KIAA1328: variants seen among roughly 807,000 people sequenced by gnomAD.
The protein encoded by KIAA1328 is protein hinderin.
In KIAA1328, 52 loss-of-function variants were observed where a neutral mutation model predicts 68.1. That is an observed-to-expected ratio of 0.76 (90% CI 0.61 to 0.96). The LOEUF is 0.96. KIAA1328 is among the 40% of genes least tolerant of loss of function. The probability of loss-of-function intolerance (pLI) is 0.00; values close to 1 mark genes in which losing one functional copy is unlikely to be tolerated. For synonymous variants in KIAA1328, 232 were observed against 239.4 expected, an observed-to-expected ratio of 0.97 and a Z score of 0.28; for missense variants, 641 against 677.6, an observed-to-expected ratio of 0.95 and a Z score of 0.60.
intron 8 of KIAA1328, among the ~76,000 whole-genome samples, chr18:37,170,479 A>G (rs2059478741): frequency 6.6e-6 from 1 of 152,208 alleles, no homozygotes; most frequent in African/African-American, 2.4e-5. Context: ...GATGTTCAAT[A>G]AATATTTCCT....
At chr18:36,890,225 TC>T (rs1406209646) in intron 5 of KIAA1328, among the ~76,000 whole-genome samples, 2 of 146,290 alleles carry the variant, frequency 1.4e-5, no homozygotes, top group East Asian at 1.9e-4. Flanking sequence ...TCTTTCTTCT[TC>T]TTTTTTTTTT....
rs574615463 is a variant in KIAA1328 at position 36,980,383 on chromosome 18, C to G, written c.576+20948C>G. ...ATATACTGGTGGGGCTGGTCAGGGTCCATATGATGTTTCTCTTGATAAGGA... is the reference window on the plus strand; with the variant it reads ...ATATACTGGTGGGGCTGGTCAGGGTGCATATGATGTTTCTCTTGATAAGGA... On this transcript the variant is annotated intron_variant, in intron 6 of 9. Coordinates refer to ENST00000280020, the MANE Select transcript of KIAA1328 (RefSeq NM_020776.3). Among the ~76,000 whole-genome samples, 21 of 152,146 alleles carry G rather than the reference C, an allele frequency of 1.4e-4. 1 individual carries two copies. Among genetic ancestry groups the G allele is most frequent in the African/African-American group, 4.8e-4 (20 of 41,508 alleles).
At chr18:37,169,172 T>TTATATA (rs1568490110) in intron 8 of KIAA1328, among the ~76,000 whole-genome samples, 3 of 138,648 alleles carry the variant, frequency 2.2e-5, no homozygotes, top group African/African-American at 8.3e-5. Flanking sequence ...TTATTTATAT[T>TTATATA]TTTTTTTTTT....
chr18:36,914,935 T>G lies in KIAA1328; in HGVS notation c.448+29263T>G, dbSNP rs550866917. 1.7e-4 allele frequency among the ~76,000 whole-genome samples: 26 copies of G among 152,276 alleles called. No individual in the cohort carries two copies. The South Asian group carries it at 5.4e-3, about 32-fold the overall frequency. On this transcript the variant is annotated intron_variant, in intron 5 of 9. Coordinates refer to ENST00000280020, the MANE Select transcript of KIAA1328 (RefSeq NM_020776.3). The stretch of plus-strand genomic sequence containing the variant: ...GAAATGAACAGATTGACTACATTCA[T>G]GGAGTAGAAGATTCAACATAGTGAA...
At chr18:37,122,025 T>G (rs1439021565) in intron 7 of KIAA1328, among the ~76,000 whole-genome samples, 1 of 152,120 alleles carries the variant, frequency 6.6e-6, no homozygotes, top group Non-Finnish European at 1.5e-5. Flanking sequence ...CATGATGTTT[T>G]TAAACATTTA....
chr18:37,036,346 A>C (rs1194751370), intron 6 of KIAA1328, among the ~76,000 whole-genome samples: 1 of 152,230 alleles, frequency 6.6e-6, no homozygotes, highest in East Asian at 1.9e-4. Flanking sequence ...AGACTGGACT[A>C]AGGTTTCATT....
chr18:37,086,175 A>G (rs1361818666), intron 7 of KIAA1328, among the ~76,000 whole-genome samples: 1 of 152,214 alleles, frequency 6.6e-6, no homozygotes, highest in Admixed American at 6.5e-5. Context: ...CATGGTAACT[A>G]TGGCTATAAT....
intron 6 of KIAA1328, among the ~76,000 whole-genome samples, chr18:37,058,172 G>T (rs2055998044): frequency 6.6e-6 from 1 of 152,138 alleles, no homozygotes; most frequent in Non-Finnish European, 1.5e-5. Context: ...TGTGCAGAGA[G>T]ATGTGGTTAA....
At chr18:36,896,710 C>G (rs1030172954) in intron 5 of KIAA1328, among the ~76,000 whole-genome samples, 10 of 152,142 alleles carry the variant, frequency 6.6e-5, no homozygotes, top group Admixed American at 1.3e-4. Flanking sequence ...TTCAACAGTT[C>G]TTGTATGAAG....
At chr18:37,166,106 G>A (rs567846415) in intron 8 of KIAA1328, among the ~76,000 whole-genome samples, 1 of 146,864 alleles carries the variant, frequency 6.8e-6, no homozygotes, top group African/African-American at 2.5e-5. Context: ...TGTCATAAAT[G>A]CATCAGGAAA....
chr18:36,925,632 G>T (rs2050086384), intron 5 of KIAA1328, among the ~76,000 whole-genome samples: 1 of 151,632 alleles, frequency 6.6e-6, no homozygotes, highest in Non-Finnish European at 1.5e-5. Flanking sequence ...CAACCTCCTG[G>T]GCTCAAGCAA....
chr18:36,890,788 G>A (rs1204996968), intron 5 of KIAA1328, among the ~76,000 whole-genome samples: 1 of 152,136 alleles, frequency 6.6e-6, no homozygotes, highest in East Asian at 1.9e-4. Context: ...TCATGTGGAT[G>A]ACTCAACAAA....
At chr18:37,102,824 A>G (rs544046289) in intron 7 of KIAA1328, among the ~76,000 whole-genome samples, 1 of 152,346 alleles carries the variant, frequency 6.6e-6, no homozygotes, top group East Asian at 1.9e-4. Flanking sequence ...TTATTTATAG[A>G]AAAACTTAAA....
chr18:37,056,680 T>TCC (rs2055921437), intron 6 of KIAA1328, among the ~76,000 whole-genome samples: 1 of 152,174 alleles, frequency 6.6e-6, no homozygotes, highest in African/African-American at 2.4e-5. Context: ...AAATGGAGTC[T>TCC]CCCTCTGTCA....
chr18:37,179,576 A>G (rs1012282652), intron 9 of KIAA1328, among the ~76,000 whole-genome samples: 5 of 152,182 alleles, frequency 3.3e-5, no homozygotes, highest in Non-Finnish European at 7.4e-5. Context: ...ACAGCTGACT[A>G]GAAGGTGGCT....
chr18:36,923,324 G>A (rs1471133575), intron 5 of KIAA1328, among the ~76,000 whole-genome samples: 1 of 152,066 alleles, frequency 6.6e-6, no homozygotes, highest in Non-Finnish European at 1.5e-5. Flanking sequence ...GGAAATCAAT[G>A]AAACAAACAA....
At chr18:36,891,149 T>C (rs922923856) in intron 5 of KIAA1328, among the ~76,000 whole-genome samples, 15 of 152,246 alleles carry the variant, frequency 9.9e-5, no homozygotes, top group African/African-American at 3.6e-4. Flanking sequence ...GGAGAGTCAT[T>C]TGGAAAGAGA....
chr18:37,160,422 G>A (rs1411808707), intron 8 of KIAA1328, 41 bp downstream of exon 8: 3 of 1,550,940 alleles, frequency 1.9e-6, no homozygotes, highest in Non-Finnish European at 2.6e-6. Context: ...GAAACTGGTA[G>A]GGGAAGGTAG....
At chr18:36,928,517 T>C (rs2050201475) in intron 5 of KIAA1328, among the ~76,000 whole-genome samples, 1 of 152,216 alleles carries the variant, frequency 6.6e-6, no homozygotes, top group Non-Finnish European at 1.5e-5. Context: ...GTTGCTTTTA[T>C]TGTTTGTAGT....
Sources: allele counts gnomAD v4.1 joint callset (sites outside exome capture counted in the v4.1 genomes callset), GRCh38; gene constraint gnomAD v4.1.1; transcripts MANE v1.5; gene names NCBI Gene and HGNC (gene_info 2026-07-23, HGNC 2026-07-21).